ARHGAP10: variants seen among roughly 807,000 people sequenced by gnomAD.
ARHGAP10 encodes rho GTPase-activating protein 10.
Under a neutral mutation model 108.6 loss-of-function variants are expected in ARHGAP10, and 87 were observed. The observed-to-expected ratio is 0.80, with a 90% CI of 0.67 to 0.96. The LOEUF is 0.96. Ranked by LOEUF, ARHGAP10 falls within the 40% of genes least tolerant of loss-of-function variation. ARHGAP10 has a pLI of 0.00. For missense variants in ARHGAP10, 939 were observed against 954.5 expected (o/e 0.98, Z 0.21); for synonymous variants, 347 against 341.1 (o/e 1.02, Z -0.19).
intron 1 of ARHGAP10, among the ~76,000 whole-genome samples, chr4:147,757,190 C>CTTT (rs763282506): frequency 4.8e-4 from 55 of 115,614 alleles, no homozygotes; most frequent in Non-Finnish European, 5.9e-4. Flanking sequence ...ACAGTCTAGC[C>CTTT]TTTTTTTTTT....
intron 1 of ARHGAP10, among the ~76,000 whole-genome samples, chr4:147,765,339 G>GT (rs72246174): frequency 0.088 from 2,343 of 26,768 alleles, 77 homozygotes; most frequent in South Asian, 0.15. Flanking sequence ...TGTGTGTGTG[G>GT]GGGGGGGGGT....
intron 13 of ARHGAP10, 132 bp from the exon 14 acceptor site, chr4:147,939,693 T>A (rs577842922): frequency 1.2e-6 from 1 of 806,466 alleles, no homozygotes; most frequent in South Asian, 1.6e-5. Context: ...CACTTGATTT[T>A]TTCAAAGGTT....
chr4:147,846,040 G>C (rs1175278204), intron 3 of ARHGAP10, among the ~76,000 whole-genome samples: 2 of 152,078 alleles, frequency 1.3e-5, no homozygotes, highest in African/African-American at 4.8e-5. Flanking sequence ...TTAGAGCTTT[G>C]TTGCCCCAGC....
intron 1 of ARHGAP10, among the ~76,000 whole-genome samples, chr4:147,808,465 C>G (rs1560769603): frequency 6.6e-6 from 1 of 151,948 alleles, no homozygotes; most frequent in Non-Finnish European, 1.5e-5. Flanking sequence ...GGATTTTATC[C>G]TGAATACAAC....
At chr4:147,748,914 A>AC (rs1729038285) in intron 1 of ARHGAP10, among the ~76,000 whole-genome samples, 1 of 152,144 alleles carries the variant, frequency 6.6e-6, no homozygotes, top group African/African-American at 2.4e-5. Flanking sequence ...AGCTGTGATC[A>AC]TGCCACTGTA....
intron 4 of ARHGAP10, among the ~76,000 whole-genome samples, chr4:147,848,848 C>A (rs992871478): frequency 1.3e-5 from 2 of 152,210 alleles, no homozygotes; most frequent in Non-Finnish European, 2.9e-5. Flanking sequence ...AGAGTATATC[C>A]TGCAAAGCAA....
chr4:147,767,541 T>C (rs1004782747), intron 1 of ARHGAP10, among the ~76,000 whole-genome samples: 2 of 152,106 alleles, frequency 1.3e-5, no homozygotes, highest in Admixed American at 1.3e-4. Context: ...ACTGAGCCTA[T>C]ATTAAAAGAT....
At chr4:148,042,685 G>C (rs1360769929) in intron 19 of ARHGAP10, among the ~76,000 whole-genome samples, 1 of 152,124 alleles carries the variant, frequency 6.6e-6, no homozygotes, top group African/African-American at 2.4e-5. Flanking sequence ...GTTTGTCTTT[G>C]CCTGTCTTCT....
chr4:148,026,954 C>T (rs1727890190), intron 19 of ARHGAP10, among the ~76,000 whole-genome samples: 1 of 152,162 alleles, frequency 6.6e-6, no homozygotes, highest in African/African-American at 2.4e-5. Context: ...TTTTCTCCTG[C>T]CCCCACTCCA....
rs116548741 is a variant in ARHGAP10 at position 147,971,879 on chromosome 4, C to T, written c.1716+5040C>T. ...TAGGAGAGAGGTTATTTGGCATAGTCGAAGGGCATGGGAGTGAGAATGGGG... is the reference window on the plus strand; with the variant it reads ...TAGGAGAGAGGTTATTTGGCATAGTTGAAGGGCATGGGAGTGAGAATGGGG... On this transcript the variant is annotated intron_variant, in intron 18 of 22. Coordinates refer to ENST00000336498, the MANE Select transcript of ARHGAP10 (RefSeq NM_024605.4). Among the ~76,000 whole-genome samples, 1,264 of 152,010 alleles carry T rather than the reference C, an allele frequency of 8.3e-3. 11 individuals are homozygous for T. The highest frequency in any genetic ancestry group is 0.019 in the African/African-American group (777 of 41,464).
At chr4:147,790,966 A>G (rs1273961818) in intron 1 of ARHGAP10, among the ~76,000 whole-genome samples, 2 of 152,054 alleles carry the variant, frequency 1.3e-5, no homozygotes, top group African/African-American at 2.4e-5. Context: ...AGTAACCACT[A>G]TTGTGGATTT....
chr4:147,886,103 G>C (rs1013985997), intron 10 of ARHGAP10, among the ~76,000 whole-genome samples: 1 of 152,178 alleles, frequency 6.6e-6, no homozygotes, highest in Admixed American at 6.5e-5. Context: ...TGAATTTCTT[G>C]TTGAGATTTG....
intron 1 of ARHGAP10, among the ~76,000 whole-genome samples, chr4:147,812,527 C>T (rs1273633321): frequency 6.6e-6 from 1 of 151,934 alleles, no homozygotes; most frequent in Non-Finnish European, 1.5e-5. Context: ...TGTAGCTCTC[C>T]GTTTCCTTCC....
chr4:147,842,458 C>G (rs1355047567), intron 3 of ARHGAP10, among the ~76,000 whole-genome samples: 1 of 152,076 alleles, frequency 6.6e-6, no homozygotes, highest in African/African-American at 2.4e-5. Context: ...TATTTATAAC[C>G]TACCTCTACT....
chr4:147,903,367 TCCC>T (rs1466066221), intron 10 of ARHGAP10, among the ~76,000 whole-genome samples: 5 of 152,016 alleles, frequency 3.3e-5, no homozygotes, highest in African/African-American at 9.7e-5. Flanking sequence ...TTTTCCTGAT[TCCC>T]CCCAACTCCC....
chr4:147,735,082 G>A (rs1192640559), intron 1 of ARHGAP10, among the ~76,000 whole-genome samples: 1 of 152,022 alleles, frequency 6.6e-6, no homozygotes, highest in Non-Finnish European at 1.5e-5. Flanking sequence ...GAGTTTTGAG[G>A]CCTATGCGAC....
intron 18 of ARHGAP10, among the ~76,000 whole-genome samples, chr4:148,017,644 G>C (rs1216195935): frequency 8.3e-6 from 1 of 121,178 alleles, no homozygotes; most frequent in Non-Finnish European, 1.6e-5. Context: ...ACAGTTATGA[G>C]CCAGTAACTA....
chr4:147,941,454 C>G (rs1738161924), intron 14 of ARHGAP10, among the ~76,000 whole-genome samples: 1 of 152,074 alleles, frequency 6.6e-6, no homozygotes, highest in African/African-American at 2.4e-5. Context: ...ATATCTAAAC[C>G]CTCAAAAAAT....
chr4:147,906,596 A>C (rs12509618), intron 10 of ARHGAP10, 42 bp from the exon 11 acceptor site: 1,376,571 of 1,597,300 alleles, frequency 0.86, 612,476 homozygotes, highest in Non-Finnish European at 0.92. Context: ...CTTGCCTTTT[A>C]GTGGCCAAGG....
Sources: allele counts gnomAD v4.1 joint callset (sites outside exome capture counted in the v4.1 genomes callset), GRCh38; gene constraint gnomAD v4.1.1; transcripts MANE v1.5; gene names NCBI Gene and HGNC (gene_info 2026-07-23, HGNC 2026-07-21).